HDAC9: variants seen among roughly 807,000 people sequenced by gnomAD.
The protein encoded by HDAC9 is MEF-2 interacting transcription repressor (MITR) protein.
In HDAC9, 41 loss-of-function variants were observed where a neutral mutation model predicts 139.4. The ratio of observed to expected loss-of-function variants is 0.29; its 90% CI spans 0.23 to 0.38. The LOEUF is 0.38. HDAC9 is among the 10% of genes least tolerant of loss of function. The pLI is 1.00. For synonymous variants in HDAC9, 517 were observed against 476.2 expected, an observed-to-expected ratio of 1.09 and a Z score of -1.12; for missense variants, 1,147 against 1,297.0, an observed-to-expected ratio of 0.88 and a Z score of 1.78.
At chr7:18,541,024 G>A (rs1317277881) in intron 2 of HDAC9, among the ~76,000 whole-genome samples, 2 of 151,716 alleles carry the variant, frequency 1.3e-5, no homozygotes, top group South Asian at 2.1e-4. Flanking sequence ...TTGAGTCCAG[G>A]TATTTGACTC....
At chr7:18,151,288 T>C (rs1431237421) in intron 1 of HDAC9, among the ~76,000 whole-genome samples, 3 of 152,220 alleles carry the variant, frequency 2.0e-5, no homozygotes, top group Non-Finnish European at 4.4e-5. Flanking sequence ...ACTGTAATTA[T>C]ATACTTAGTA....
chr7:18,156,704 A>G (rs1028880366), intron 1 of HDAC9, among the ~76,000 whole-genome samples: 18 of 152,200 alleles, frequency 1.2e-4, no homozygotes, highest in Admixed American at 1.1e-3. Flanking sequence ...AAGATACATT[A>G]TTATTGTCTA....
At chr7:18,204,918 A>T (rs1791388953) in intron 2 of HDAC9, among the ~76,000 whole-genome samples, 1 of 151,900 alleles carries the variant, frequency 6.6e-6, no homozygotes, top group Non-Finnish European at 1.5e-5. Flanking sequence ...TGTTTCTTTT[A>T]TTGACTCTAG....
chr7:18,701,372 A>ATT (rs1301745023), intron 12 of HDAC9, among the ~76,000 whole-genome samples: 1 of 150,416 alleles, frequency 6.6e-6, no homozygotes, highest in Non-Finnish European at 1.5e-5. Flanking sequence ...CAATACAGAC[A>ATT]TTGATTCTGT....
intron 22 of HDAC9, among the ~76,000 whole-genome samples, chr7:18,924,026 T>C (rs1803991274): frequency 1.3e-5 from 2 of 152,080 alleles, no homozygotes; most frequent in Admixed American, 1.3e-4. Flanking sequence ...TTATCCATAT[T>C]GACAGGTTGA....
intron 17 of HDAC9, among the ~76,000 whole-genome samples, chr7:18,809,137 A>G (rs1793968400): frequency 6.6e-6 from 1 of 152,100 alleles, no homozygotes; most frequent in Non-Finnish European, 1.5e-5. Flanking sequence ...GGATATCCAC[A>G]TGGAATAATA....
intron 1 of HDAC9, among the ~76,000 whole-genome samples, chr7:18,134,686 C>G (rs1785267078): frequency 6.6e-6 from 1 of 152,166 alleles, no homozygotes; most frequent in African/African-American, 2.4e-5. Flanking sequence ...TCACCCTCAT[C>G]TCCATGCCCG....
chr7:18,539,260 TC>T (rs1811932626), intron 2 of HDAC9, among the ~76,000 whole-genome samples: 1 of 152,072 alleles, frequency 6.6e-6, no homozygotes, highest in Non-Finnish European at 1.5e-5. Context: ...TCGTTGTTTT[TC>T]CCCCAAATTT....
At chr7:18,528,763 T>C (rs776047125) in intron 2 of HDAC9, among the ~76,000 whole-genome samples, 1 of 152,158 alleles carries the variant, frequency 6.6e-6, no homozygotes, top group Non-Finnish European at 1.5e-5. Context: ...ATGGGACTTA[T>C]TATGGAATAT....
intron 24 of HDAC9, among the ~76,000 whole-genome samples, chr7:18,969,236 G>A (rs1037314473): frequency 2.0e-5 from 3 of 151,994 alleles, no homozygotes; most frequent in Admixed American, 1.3e-4. Context: ...ACTGGGAATA[G>A]TTTGCATTAG....
chr7:18,743,433 T>G (rs181760073), intron 13 of HDAC9, among the ~76,000 whole-genome samples: 1 of 152,204 alleles, frequency 6.6e-6, no homozygotes, highest in East Asian at 1.9e-4. Context: ...TCAATTTTTT[T>G]AAACAGAATT....
intron 12 of HDAC9, among the ~76,000 whole-genome samples, chr7:18,677,021 T>C (rs1182951108): frequency 2.0e-5 from 3 of 151,980 alleles, no homozygotes; most frequent in African/African-American, 4.8e-5. Context: ...CCACTTGATA[T>C]ATATACATAG....
chr7:18,400,013 C>T (rs963637994), intron 1 of HDAC9, among the ~76,000 whole-genome samples: 4 of 152,140 alleles, frequency 2.6e-5, no homozygotes, highest in Non-Finnish European at 5.9e-5. Flanking sequence ...CTGGCCTATT[C>T]GCATCAGAGC....
At chr7:18,349,724 G>A (rs1445344418) in intron 1 of HDAC9, among the ~76,000 whole-genome samples, 2 of 151,790 alleles carry the variant, frequency 1.3e-5, no homozygotes, top group African/African-American at 4.8e-5. Context: ...AAAATGTGGT[G>A]TTGTGTTTTA....
chr7:18,658,596 T>C (rs906592886), intron 11 of HDAC9, among the ~76,000 whole-genome samples: 1 of 152,124 alleles, frequency 6.6e-6, no homozygotes, highest in African/African-American at 2.4e-5. Flanking sequence ...ATTTAGAAAA[T>C]CTTTCTTCTC....
chr7:18,884,742 T>C (rs1328475935), intron 22 of HDAC9, among the ~76,000 whole-genome samples: 1 of 152,196 alleles, frequency 6.6e-6, no homozygotes, highest in Non-Finnish European at 1.5e-5. Flanking sequence ...GTTTCTTCTT[T>C]AGTATGTAGC....
intron 2 of HDAC9, among the ~76,000 whole-genome samples, chr7:18,209,723 CAG>C (rs1791795434): frequency 1.3e-5 from 2 of 150,852 alleles, no homozygotes; most frequent in Admixed American, 6.6e-5. Flanking sequence ...TTTTTTGAGA[CAG>C]AGTCTCACTC....
chr7:18,195,726 C>T (rs1006300355), intron 2 of HDAC9, among the ~76,000 whole-genome samples: 18 of 152,244 alleles, frequency 1.2e-4, no homozygotes, highest in African/African-American at 3.6e-4. Context: ...GAGTTCTGCA[C>T]CTGTCACTTT....
chr7:18,168,027 GA>G (rs1156788760), intron 2 of HDAC9, among the ~76,000 whole-genome samples: 2 of 152,184 alleles, frequency 1.3e-5, no homozygotes, highest in Non-Finnish European at 2.9e-5. Flanking sequence ...ACATTTCTAA[GA>G]GTTGCCTAAG....
Sources: gnomAD v4.1 joint callset for allele counts (sites outside exome capture counted in the v4.1 genomes callset) on GRCh38, gnomAD v4.1.1 for gene constraint, MANE v1.5 for transcripts, NCBI Gene and HGNC (gene_info 2026-07-23, HGNC 2026-07-21) for gene names.